The following CDKL3 variants were observed in gnomAD, a reference collection of about 807,000 sequenced individuals.
CDKL3 encodes cyclin-dependent kinase-like 3.
In CDKL3, 65 loss-of-function variants were observed where a neutral mutation model predicts 69.3. That is an observed-to-expected ratio of 0.94 (90% CI 0.77 to 1.15). The LOEUF is 1.15. Ranked by LOEUF, CDKL3 falls within the 50% of genes most tolerant of loss-of-function variation. The pLI, the probability that CDKL3 is intolerant of heterozygous loss-of-function variation, is 0.00. For missense variants in CDKL3, 652 were observed against 689.2 expected (o/e 0.95, Z 0.61); for synonymous variants, 202 against 221.6 (o/e 0.91, Z 0.79).
chr5:134,346,924 G>A (rs994708919), intron 4 of CDKL3, among the ~76,000 whole-genome samples: 2 of 152,092 alleles, frequency 1.3e-5, no homozygotes, highest in Non-Finnish European at 2.9e-5. Flanking sequence ...GTCACCTGTT[G>A]GAGCCAATTC....
chr5:134,291,328 T>C (rs1295256036), intron 8 of CDKL3, among the ~76,000 whole-genome samples: 1 of 152,172 alleles, frequency 6.6e-6, no homozygotes, highest in Non-Finnish European at 1.5e-5. Context: ...ATATAAATGG[T>C]ATTCAAGGTT....
intron 6 of CDKL3, 36 bp downstream of exon 6, chr5:134,319,320 ACT>A (rs1772095097): frequency 2.8e-6 from 4 of 1,441,570 alleles, no homozygotes; most frequent in Non-Finnish European, 9.2e-7. Context: ...ACAGAGCAAG[ACT>A]CTGTCTCCGG....
intron 12 of CDKL3, among the ~76,000 whole-genome samples, chr5:134,300,439 G>A (rs1766034039): frequency 6.6e-6 from 1 of 152,070 alleles, no homozygotes; most frequent in Admixed American, 6.6e-5. Flanking sequence ...GCCAAGAATA[G>A]AAAAAATAAC....
chr5:134,309,546 T>G (rs552742915), intron 7 of CDKL3, among the ~76,000 whole-genome samples: 2 of 152,226 alleles, frequency 1.3e-5, no homozygotes, highest in Non-Finnish European at 2.9e-5. Context: ...AGTCCATTCA[T>G]GTGGTTCAAA....
chr5:134,349,841 ATG>A (rs1309752114), intron 4 of CDKL3, among the ~76,000 whole-genome samples: 1 of 152,030 alleles, frequency 6.6e-6, no homozygotes, highest in Non-Finnish European at 1.5e-5. Flanking sequence ...AGACGGCAGA[ATG>A]TGTCAGTATT....
At chr5:134,314,486 AC>A (rs1485598674) in intron 6 of CDKL3, among the ~76,000 whole-genome samples, 5 of 152,234 alleles carry the variant, frequency 3.3e-5, no homozygotes, top group Admixed American at 1.3e-4. Context: ...TGTGTTCCAT[AC>A]AAAGACAAAC....
rs778622517 is a variant in CDKL3, at chr5:134,306,652, T to C, written c.1415A>G (p.Gln472Arg). Residue 472 changes from glutamine (Q) to arginine (R), a missense_variant, in exon 10 of 13, where the codon CAA becomes CGA. Transcript: ENST00000265334. ...CTCTTGCCTGCTATTAGGCATAACT[T>C]GTCCAATAGATTGTGAAGAAGTGCG... ...KRRTSSQSIGQVMPNSRQEDP... is the reference protein window; with the variant it reads ...KRRTSSQSIGRVMPNSRQEDP... 1.6e-5 allele frequency: 26 copies of C among 1,586,494 alleles called. No homozygotes were observed. The highest frequency in any genetic ancestry group is 2.2e-5 in the Non-Finnish European group (26 of 1,171,580).
At chr5:134,284,548 GCAGA>G (rs1764771863), downstream of CDKL3, among the ~76,000 whole-genome samples, 1 of 152,200 alleles carries the variant, frequency 6.6e-6, no homozygotes, top group African/African-American at 2.4e-5. Flanking sequence ...GGGTTCAAGA[GCAGA>G]CAACCGGTCT....
chr5:134,296,242 C>A (rs1461653375), downstream of CDKL3, among the ~76,000 whole-genome samples: 1 of 152,084 alleles, frequency 6.6e-6, no homozygotes, highest in Non-Finnish European at 1.5e-5. Flanking sequence ...AAAAGACCAC[C>A]AAGATGGCTA....
chr5:134,334,684 G>A (rs1776624250), intron 4 of CDKL3, among the ~76,000 whole-genome samples: 1 of 152,202 alleles, frequency 6.6e-6, no homozygotes, highest in Non-Finnish European at 1.5e-5. Flanking sequence ...GAGATAGTTT[G>A]TTGTGATTTC....
chr5:134,300,688 G>C (rs565440035), intron 12 of CDKL3, among the ~76,000 whole-genome samples: 115 of 152,236 alleles, frequency 7.6e-4, no homozygotes, highest in African/African-American at 2.5e-3. Context: ...ATATGAACAA[G>C]AAGATGTTTT....
At chr5:134,356,057 T>C (rs1754533249) in intron 3 of CDKL3, among the ~76,000 whole-genome samples, 1 of 152,202 alleles carries the variant, frequency 6.6e-6, no homozygotes, top group Non-Finnish European at 1.5e-5. Context: ...CATTATACTA[T>C]ACAATGAAAT....
intron 3 of CDKL3, among the ~76,000 whole-genome samples, chr5:134,356,490 A>T (rs1277253646): frequency 6.6e-6 from 1 of 152,154 alleles, no homozygotes; most frequent in East Asian, 1.9e-4. Context: ...GTTACTATTT[A>T]AAAACTCTCA....
intron 12 of CDKL3, among the ~76,000 whole-genome samples, 195 bp from the exon 13 acceptor site, chr5:134,298,905 C>T (rs1277308007): frequency 6.6e-6 from 1 of 152,048 alleles, no homozygotes; most frequent in African/African-American, 2.4e-5. Flanking sequence ...GATGGAGTCT[C>T]GCTCTGTGCT....
intron 4 of CDKL3, among the ~76,000 whole-genome samples, chr5:134,326,843 A>ATGTGTGTG (rs1774455212): frequency 7.8e-6 from 1 of 128,670 alleles, no homozygotes; most frequent in African/African-American, 3.6e-5. Flanking sequence ...ATATATATAT[A>ATGTGTGTG]TATATATATA....
intron 6 of CDKL3, among the ~76,000 whole-genome samples, chr5:134,315,171 T>C (rs1770670110): frequency 6.6e-6 from 1 of 152,024 alleles, no homozygotes. Flanking sequence ...ATTTTGTCTA[T>C]GATAAATGTA....
chr5:134,365,603 AC>A (rs1002072450), intron 2 of CDKL3, among the ~76,000 whole-genome samples: 5 of 152,332 alleles, frequency 3.3e-5, no homozygotes, highest in African/African-American at 1.2e-4. Flanking sequence ...ATTAAAATTT[AC>A]ATTTCTTTAC....
At chr5:134,306,538 A>C in intron 10 of CDKL3, 71 bp downstream of exon 10, 1 of 912,496 alleles carries the variant, frequency 1.1e-6, no homozygotes, top group Non-Finnish European at 1.7e-6. Context: ...TAGAGCCCTA[A>C]AGATAGAGAA....
At chr5:134,320,861 G>A (rs1346168567) in intron 5 of CDKL3, among the ~76,000 whole-genome samples, 3 of 147,382 alleles carry the variant, frequency 2.0e-5, no homozygotes, top group South Asian at 2.2e-4. Context: ...GTGACAGAGC[G>A]AGACTCCCTC....
Sources: allele counts gnomAD v4.1 joint callset (sites outside exome capture counted in the v4.1 genomes callset), GRCh38; gene constraint gnomAD v4.1.1; transcripts MANE v1.5; gene names NCBI Gene and HGNC (gene_info 2026-07-23, HGNC 2026-07-21).